RTN4: variants seen among roughly 807,000 people sequenced by gnomAD.
RTN4 encodes reticulon 4, also known as reticulon-4.
A neutral mutation model predicts 90.4 loss-of-function variants in RTN4; 32 were observed. That is an observed-to-expected ratio of 0.35 (90% CI 0.27 to 0.48). The LOEUF (loss-of-function observed/expected upper bound fraction) is 0.48, where lower values mean the gene tolerates loss of function less well. Ranked by LOEUF, RTN4 falls within the 20% of genes least tolerant of loss-of-function variation. The pLI is 0.99. For missense variants in RTN4, 1,706 were observed against 1,430.2 expected (o/e 1.19, Z -3.11); for synonymous variants, 629 against 552.5 (o/e 1.14, Z -1.94).
the RTN4 span, among the ~76,000 whole-genome samples, chr2:55,129,171 T>G: frequency 2.4e-4 from 36 of 151,068 alleles, no homozygotes; most frequent in Non-Finnish European, 1.5e-5. Flanking sequence ...AAGAGGCAAT[T>G]CACAATAGCA....
intron 1 of RTN4, among the ~76,000 whole-genome samples, chr2:55,044,785 TAAAAAAAAAAAAAA>T (rs10639848): frequency 4.6e-5 from 3 of 65,664 alleles, no homozygotes; most frequent in African/African-American, 1.9e-4. Flanking sequence ...TGCAAATCAC[TAAAAAAAAAAAAAA>T]AAAAAAAAAA....
chr2:54,973,120 TTAAAGATGAACTCCTAC>T lies in RTN4; in HGVS notation c.*19_*35del, dbSNP rs768357615. On this transcript the variant is annotated 3_prime_UTR_variant, in exon 9 of 9. Coordinates refer to ENST00000337526, the MANE Select transcript of RTN4 (RefSeq NM_020532.5). ...CCGTATAATCAAATGAATATCCCCT[TTAAAGATGAACTCCTAC>T]TAATTATTTTGGGCGTTTTCATTCA... The T allele has an allele frequency of 1.3e-6, 2 of 1,576,744 alleles. No homozygotes were observed. Among genetic ancestry groups the T allele is most frequent in the African/African-American group, 1.3e-5 (1 of 74,324 alleles).
intron 2 of RTN4, among the ~76,000 whole-genome samples, chr2:55,069,868 A>G (rs1668455939): frequency 6.6e-6 from 1 of 152,244 alleles, no homozygotes; most frequent in Non-Finnish European, 1.5e-5. Flanking sequence ...AAACACAGGT[A>G]CATGAATTAA....
At chr2:55,044,866 T>C (rs1197600803) in intron 1 of RTN4, among the ~76,000 whole-genome samples, 2 of 140,708 alleles carry the variant, frequency 1.4e-5, no homozygotes, top group Non-Finnish European at 3.1e-5. Flanking sequence ...TAATTCACCA[T>C]ATCCATGAGG....
chr2:55,063,349 G>A (rs1452440805), intron 2 of RTN4, among the ~76,000 whole-genome samples: 1 of 152,186 alleles, frequency 6.6e-6, no homozygotes, highest in Non-Finnish European at 1.5e-5. Flanking sequence ...AGGTGGTAGG[G>A]AGTTTCCTAA....
intron 3 of RTN4, among the ~76,000 whole-genome samples, chr2:54,995,123 C>G (rs1183006937): frequency 6.6e-6 from 1 of 151,782 alleles, no homozygotes; most frequent in Non-Finnish European, 1.5e-5. Context: ...GCCTGTAATC[C>G]CAGCTACTCG....
intron 1 of RTN4, among the ~76,000 whole-genome samples, chr2:55,088,626 TGC>T (rs1460892826): frequency 6.6e-6 from 1 of 152,258 alleles, no homozygotes; most frequent in African/African-American, 2.4e-5. Context: ...GAAAATATTC[TGC>T]CACTTGGCAC....
intron 1 of RTN4, among the ~76,000 whole-genome samples, chr2:55,081,101 A>G (rs983024335): frequency 1.3e-5 from 2 of 151,406 alleles, no homozygotes; most frequent in Non-Finnish European, 2.9e-5. Context: ...TTGAAACAGG[A>G]GCTCACTCTG....
chr2:55,100,959 G>A (rs1196279008), intron 1 of RTN4, among the ~76,000 whole-genome samples: 4 of 150,820 alleles, frequency 2.7e-5, no homozygotes, highest in Admixed American at 1.3e-4. Flanking sequence ...GGATTAAAAT[G>A]TAATTTTAAT....
rs1160256009 is a variant in RTN4, at chr2:54,973,118, C to CTT, written c.*36_*37dup. The CTT allele has an allele frequency of 6.4e-7, 1 of 1,569,082 alleles. No individual in the cohort carries two copies. Among genetic ancestry groups the CTT allele is most frequent in the African/African-American group, 1.3e-5 (1 of 74,186 alleles). On this transcript the variant is annotated 3_prime_UTR_variant, in exon 9 of 9. Coordinates refer to ENST00000337526, the MANE Select transcript of RTN4 (RefSeq NM_020532.5). ...CCCCGTATAATCAAATGAATATCCC[C>CTT]TTTAAAGATGAACTCCTACTAATTA...
intron 3 of RTN4, among the ~76,000 whole-genome samples, chr2:55,024,847 T>A (rs1439389439): frequency 6.6e-6 from 1 of 152,202 alleles, no homozygotes; most frequent in African/African-American, 2.4e-5. Context: ...AAATATTTTC[T>A]ATTAATAGTT....
rs866300216 is a variant in RTN4 at position 55,066,189 on chromosome 2, G to T, written c.-63+14300C>A. Among the ~76,000 whole-genome samples the T allele has an allele frequency of 6.9e-3, 456 of 65,948 alleles. 2 individuals are homozygous for T. Among genetic ancestry groups the T allele is most frequent in the African/African-American group, 0.017 (424 of 24,488 alleles). 43.3% of individuals were successfully genotyped at this position (65,948 alleles called of 152,430 possible). On this transcript the variant is annotated intron_variant, in intron 2 of 3. Transcript: ENST00000427710. ...CCCATTTGTGTGTGTGTGTGTGTGT[G>T]TGTTTGTGTGTGTGTGTGTGTGTGT... is the stretch of plus-strand genomic sequence containing the variant.
Position 55,006,685 on chromosome 2 carries a change from A to G in RTN4, c.3013+18401T>C, listed in dbSNP as rs1680250747. Among the ~76,000 whole-genome samples, 4 of 152,164 alleles carry G rather than the reference A, an allele frequency of 2.6e-5. No individual in the cohort carries two copies. The South Asian group carries it at 8.3e-4, about 32-fold the overall frequency. On this transcript the variant is annotated intron_variant, in intron 3 of 8. Transcript: ENST00000337526. The stretch of plus-strand genomic sequence containing the variant: ...TGACAAATCCAAAGAGTACTGTAAC[A>G]ATAAAGAACAGTGTTGCACCTACTT...
Position 54,974,710 on chromosome 2 carries a change from T to G in RTN4, c.3415A>C (p.Thr1139Pro), listed in dbSNP as rs774765258. 8 of 1,613,690 alleles carry G rather than the reference T, an allele frequency of 5.0e-6. No homozygotes were observed. The highest frequency in any genetic ancestry group is 2.2e-5 in the East Asian group (1 of 44,898). The change falls in exon 6 of 9, where the codon ACA (threonine) becomes CCA (proline). Residue 1139 changes from threonine to proline, a missense_variant. By Grantham distance (38) the Thr-to-Pro change is conservative. Transcript: ENST00000337526. ...TYVGALFNGL[T>P]LLILALISLF... The stretch of plus-strand genomic sequence containing the variant: ...GTAGACTTACCCAAAATCAGTAGTG[T>G]CAGACCATTAAACAAGGCACCAACA...
chr2:55,043,417 C>T (rs954359297), intron 1 of RTN4, among the ~76,000 whole-genome samples: 4 of 152,106 alleles, frequency 2.6e-5, no homozygotes, highest in Admixed American at 2.0e-4. Context: ...TAAATTGAGG[C>T]TTTGAATCAA....
At chr2:54,993,160 G>A (rs1477480135) in intron 3 of RTN4, among the ~76,000 whole-genome samples, 3 of 151,210 alleles carry the variant, frequency 2.0e-5, no homozygotes, top group African/African-American at 4.9e-5. Flanking sequence ...TTTTATCTCT[G>A]CATAACGGGA....
At chr2:55,099,170 G>C (rs771505560) in intron 1 of RTN4, among the ~76,000 whole-genome samples, 2 of 151,886 alleles carry the variant, frequency 1.3e-5, no homozygotes, top group East Asian at 1.9e-4. Context: ...TAGTTACTGG[G>C]GCATACAGTT....
the RTN4 span, among the ~76,000 whole-genome samples, chr2:55,132,911 T>A: frequency 6.6e-6 from 1 of 151,334 alleles, no homozygotes; most frequent in African/African-American, 2.4e-5. Flanking sequence ...TTTTAATTAT[T>A]ATTATTTTTA....
chr2:55,102,357 G>GTGGATCA (rs1467381111), intron 1 of RTN4, among the ~76,000 whole-genome samples: 3 of 152,118 alleles, frequency 2.0e-5, no homozygotes, highest in African/African-American at 7.3e-5. Context: ...TTTAGGATTT[G>GTGGATCA]TGGACCATGG....
Sources: gnomAD v4.1 joint callset for allele counts (sites outside exome capture counted in the v4.1 genomes callset) on GRCh38, gnomAD v4.1.1 for gene constraint, MANE v1.5 for transcripts, NCBI Gene and HGNC (gene_info 2026-07-23, HGNC 2026-07-21) for gene names.